MATR3: variants seen among roughly 807,000 people sequenced by gnomAD.
The protein encoded by MATR3 is matrin 3.
A neutral mutation model predicts 85.5 loss-of-function variants in MATR3; 4 were observed. The observed-to-expected ratio is 0.05, with a 90% CI of 0.02 to 0.11. The LOEUF is 0.11. Ranked by LOEUF, MATR3 falls within the 10% of genes least tolerant of loss-of-function variation. MATR3 has a pLI of 1.00. For synonymous variants in MATR3, 336 were observed against 343.1 expected, an observed-to-expected ratio of 0.98 and a Z score of 0.23; for missense variants, 685 against 1,016.1, an observed-to-expected ratio of 0.67 and a Z score of 4.43.
At chr5:139,311,717 G>A (rs1216266480) in intron 2 of MATR3, 5 of 120,414 alleles carry the variant, frequency 4.2e-5, no homozygotes, top group South Asian at 2.9e-4. Context: ...TCAGAGAATT[G>A]TAAGTCGTTA....
intron 1 of MATR3, among the ~76,000 whole-genome samples, chr5:139,296,187 A>T (rs1754140001): frequency 6.6e-6 from 1 of 152,090 alleles, no homozygotes; most frequent in African/African-American, 2.4e-5. Flanking sequence ...GTTATTAAGA[A>T]TTTTTTTTAA....
intron 2 of MATR3, chr5:139,278,576 A>C: frequency 5.6e-6 from 2 of 357,618 alleles, no homozygotes; most frequent in South Asian, 4.1e-5. Context: ...TCCCAATCGC[A>C]GTGCTTGGCA....
chr5:139,280,161 A>G (rs762369726), intron 3 of MATR3: 3 of 152,272 alleles, frequency 2.0e-5, no homozygotes, highest in African/African-American at 7.2e-5. Flanking sequence ...GAGCAAGTCT[A>G]TAGTTCTAAT....
intron 14 of MATR3, among the ~76,000 whole-genome samples, chr5:139,327,289 C>G (rs1166100252): frequency 1.4e-5 from 2 of 147,184 alleles, no homozygotes; most frequent in Non-Finnish European, 3.0e-5. Flanking sequence ...AAGTTCTTGG[C>G]TGTGTGTCAC....
At chr5:139,315,874 G>A (rs899470992) in intron 4 of MATR3, 136 bp downstream of exon 4, 1 of 843,026 alleles carries the variant, frequency 1.2e-6, no homozygotes, top group East Asian at 2.6e-5. Flanking sequence ...AATTCACTTT[G>A]GTTAACAATT....
chr5:139,326,203 G>C lies in MATR3; in HGVS notation c.2412G>C (p.Lys804Asn). The change falls in exon 14 of 15, where the codon AAG becomes AAC. Residue 804 changes from lysine to asparagine, a missense_variant. Physicochemically the swap from Lys to Asn is moderately conservative, Grantham distance 94. Coordinates refer to ENST00000394805, the MANE Select transcript of MATR3 (RefSeq NM_018834.6). ...TACCTAAAACAGGGTTTTACTGTAA[G>C]CTGTGTTCACTCTTTTATACAAATG... ...YVIPKTGFYC[K>N]LCSLFYTNEE... The C allele has an allele frequency of 6.2e-7, 1 of 1,611,384 alleles. No homozygotes were observed. The highest frequency in any genetic ancestry group is 8.5e-7 in the Non-Finnish European group (1 of 1,178,096).
chr5:139,296,962 G>A (rs1189657356), intron 1 of MATR3, among the ~76,000 whole-genome samples: 1 of 152,190 alleles, frequency 6.6e-6, no homozygotes, highest in Non-Finnish European at 1.5e-5. Flanking sequence ...CTGAGGTAAA[G>A]AGTTCTGAGA....
intron 1 of MATR3, among the ~76,000 whole-genome samples, chr5:139,295,461 A>G (rs910065659): frequency 1.3e-5 from 2 of 152,320 alleles, no homozygotes; most frequent in Middle Eastern, 3.4e-3. Flanking sequence ...TACTTAGAAC[A>G]TTACTTTGTA....
chr5:139,324,967 G>A (rs1310385436), intron 12 of MATR3, among the ~76,000 whole-genome samples: 2 of 152,046 alleles, frequency 1.3e-5, no homozygotes, highest in East Asian at 3.9e-4. Flanking sequence ...CGAGGTGGGT[G>A]GATCACGAGG....
Position 139,331,606 on chromosome 5 carries a change from C to A in MATR3, c.*2211C>A, listed in dbSNP as rs538155815. ...GTAAAGTTTAAGAACATTTTTCCTA[C>A]GGCTATGTCAGCCCTTAGTTTAATC... On this transcript the variant is annotated 3_prime_UTR_variant, in exon 15 of 15. Transcript: ENST00000394805. The A allele has an allele frequency of 4.4e-6, 2 of 454,050 alleles. No homozygotes were observed. The highest frequency in any genetic ancestry group is 8.8e-6 in the Non-Finnish European group (2 of 226,776). 28.1% of individuals were successfully genotyped at this position (454,050 alleles called of 1,614,324 possible).
intron 14 of MATR3, among the ~76,000 whole-genome samples, chr5:139,328,980 G>C (rs932252134): frequency 5.3e-5 from 8 of 151,998 alleles, no homozygotes; most frequent in African/African-American, 1.9e-4. Context: ...ACTCCAGCCT[G>C]GGCAACAGAG....
At chr5:139,293,986 A>T in intron 1 of MATR3, 181 bp downstream of exon 1, 1 of 1,273,660 alleles carries the variant, frequency 7.9e-7, no homozygotes, top group Non-Finnish European at 9.9e-7. Flanking sequence ...CCGCCATGTT[A>T]GGAGCGCAGT....
At chr5:139,314,803 G>A in intron 3 of MATR3, 67 bp downstream of exon 3, 1 of 1,432,190 alleles carries the variant, frequency 7.0e-7, no homozygotes. Context: ...TTGGTTTTTG[G>A]GAGTTCATCA....
chr5:139,294,190 T>C (rs1754009709), intron 1 of MATR3: 1 of 623,812 alleles, frequency 1.6e-6, no homozygotes, highest in South Asian at 5.9e-5. Context: ...GCCGCGGCGC[T>C]GAGGGGGAGG....
At chr5:139,304,082 C>T (rs1281690243) in intron 1 of MATR3, among the ~76,000 whole-genome samples, 1 of 152,114 alleles carries the variant, frequency 6.6e-6, no homozygotes, top group Non-Finnish European at 1.5e-5. Flanking sequence ...GGATGATACT[C>T]AGATTTGTTT....
chr5:139,292,986 G>C (rs1753929113), upstream of MATR3, among the ~76,000 whole-genome samples: 1 of 152,142 alleles, frequency 6.6e-6, no homozygotes, highest in Admixed American at 6.5e-5. Context: ...TGGGCGTGTA[G>C]GCTCACGCCC....
chr5:139,308,998 C>T (rs907321502), intron 2 of MATR3, among the ~76,000 whole-genome samples: 1 of 152,132 alleles, frequency 6.6e-6, no homozygotes, highest in Admixed American at 6.6e-5. Context: ...CCTTTAGAGA[C>T]TTGGACAAAT....
At chr5:139,325,041 A>C (rs1362366466) in intron 12 of MATR3, among the ~76,000 whole-genome samples, 1 of 152,062 alleles carries the variant, frequency 6.6e-6, no homozygotes, top group Non-Finnish European at 1.5e-5. Flanking sequence ...ATTACAAAAA[A>C]AATTAGCCGG....
intron 3 of MATR3, among the ~76,000 whole-genome samples, chr5:139,282,311 GCT>G (rs770930108): frequency 3.3e-5 from 5 of 152,150 alleles, no homozygotes; most frequent in Non-Finnish European, 7.4e-5. Flanking sequence ...TCTCCTTAAT[GCT>G]ATTTAGGAAC....
Sources: gnomAD v4.1 joint callset for allele counts (sites outside exome capture counted in the v4.1 genomes callset) on GRCh38, gnomAD v4.1.1 for gene constraint, MANE v1.5 for transcripts, NCBI Gene and HGNC (gene_info 2026-07-23, HGNC 2026-07-21) for gene names.